The following ARNT2 variants were observed in gnomAD, a reference collection of about 807,000 sequenced individuals.
ARNT2 encodes the protein aryl hydrocarbon receptor nuclear translocator 2, also known as ARNT protein 2.
A neutral mutation model predicts 91.7 loss-of-function variants in ARNT2; 36 were observed. The observed-to-expected ratio is 0.39, with a 90% CI of 0.30 to 0.52. The LOEUF is 0.52. Among genes scored for constraint, ARNT2 ranks in the 20% least tolerant of loss-of-function variants. ARNT2 has a pLI of 0.72. For synonymous variants in ARNT2, 365 were observed against 347.1 expected (o/e 1.05, Z -0.57); for missense variants, 775 against 939.3 (o/e 0.83, Z 2.29).
chr15:80,488,760 A>G (rs1346645212), intron 5 of ARNT2: 1 of 152,208 alleles, frequency 6.6e-6, no homozygotes, highest in Admixed American at 6.5e-5. Context: ...TATCTAGGAG[A>G]TAAATTTCAG....
chr15:80,435,300 C>T (rs981866626), intron 1 of ARNT2, among the ~76,000 whole-genome samples: 1 of 152,104 alleles, frequency 6.6e-6, no homozygotes, highest in African/African-American at 2.4e-5. Flanking sequence ...TACAGAGTAC[C>T]CTTCCCTTTA....
At chr15:80,559,853 G>C (rs941408312) in intron 11 of ARNT2, among the ~76,000 whole-genome samples, 1 of 152,210 alleles carries the variant, frequency 6.6e-6, no homozygotes, top group East Asian at 1.9e-4. Flanking sequence ...GCTTGGCCTT[G>C]GCCATCTACC....
intron 1 of ARNT2, chr15:80,433,767 T>G (rs11637295): frequency 6.6e-6 from 1 of 152,142 alleles, no homozygotes. Context: ...AATGTGTACA[T>G]GAGAACCTTC....
chr15:80,593,942 C>T lies in ARNT2; in HGVS notation c.*244C>T. 1 of 513,900 alleles carries T rather than the reference C, an allele frequency of 1.9e-6. No homozygotes were observed. Among genetic ancestry groups the T allele is most frequent in the East Asian group, 3.3e-5 (1 of 30,678 alleles). 31.8% of individuals were successfully genotyped at this position (513,900 alleles called of 1,614,324 possible). ...ATCAGTTGTATTTATTGTATTTTAT[C>T]TGTGTGTGCTCAGGAGGTGAGCCTA... is the stretch of plus-strand genomic sequence containing the variant. On this transcript the variant is annotated 3_prime_UTR_variant, in exon 19 of 19. Transcript: ENST00000303329.
At chr15:80,533,797 G>A (rs1309096546) in intron 8 of ARNT2, among the ~76,000 whole-genome samples, 1 of 152,228 alleles carries the variant, frequency 6.6e-6, no homozygotes, top group African/African-American at 2.4e-5. Context: ...TAACTCAGAA[G>A]CACACAGTGG....
chr15:80,550,839 TAA>T (rs905256826), intron 8 of ARNT2, among the ~76,000 whole-genome samples: 2 of 152,242 alleles, frequency 1.3e-5, no homozygotes, highest in African/African-American at 2.4e-5. Flanking sequence ...TGTCAGCAGA[TAA>T]GAGAGATATT....
At chr15:80,494,242 G>T (rs976209715) in intron 5 of ARNT2, among the ~76,000 whole-genome samples, 22 of 151,976 alleles carry the variant, frequency 1.4e-4, no homozygotes, top group South Asian at 2.1e-4. Flanking sequence ...CTATTTTAAG[G>T]CCCCTTTTAC....
At chr15:80,550,426 T>C (rs186190449) in intron 8 of ARNT2, among the ~76,000 whole-genome samples, 5 of 152,196 alleles carry the variant, frequency 3.3e-5, no homozygotes, top group African/African-American at 9.7e-5. Context: ...TTAAGTGTCA[T>C]GCAGTGTAAA....
Position 80,597,489 on chromosome 15 carries a change from C to T in ARNT2, c.*3791C>T, listed in dbSNP as rs1893393148. 6.2e-6 allele frequency: 2 copies of T among 325,066 alleles called. No homozygotes were observed. Among genetic ancestry groups the T allele is most frequent in the Non-Finnish European group, 1.2e-5 (2 of 163,046 alleles). The allele number at this position is 325,066 out of a possible 1,614,324, so 20.1% of individuals were successfully genotyped here. The stretch of plus-strand genomic sequence containing the variant: ...CCTGGACATTCACCTTTTCTTTGAC[C>T]ATCTGGAGTCTGGGGCAACTTAAGG... On this transcript the variant is annotated 3_prime_UTR_variant, in exon 19 of 19. Coordinates refer to ENST00000303329, the MANE Select transcript of ARNT2 (RefSeq NM_014862.4).
chr15:80,515,323 G>A (rs911518669), intron 8 of ARNT2, among the ~76,000 whole-genome samples: 1 of 152,028 alleles, frequency 6.6e-6, no homozygotes, highest in Non-Finnish European at 1.5e-5. Context: ...CCAAAAAATG[G>A]AAACAACTCA....
intron 5 of ARNT2, among the ~76,000 whole-genome samples, chr15:80,483,527 G>C (rs952326163): frequency 6.6e-6 from 1 of 152,196 alleles, no homozygotes; most frequent in Non-Finnish European, 1.5e-5. Context: ...CTAGGCAGGG[G>C]AAATGTGTAT....
intron 15 of ARNT2, among the ~76,000 whole-genome samples, chr15:80,578,224 G>A (rs540042620): frequency 5.9e-5 from 9 of 152,240 alleles, no homozygotes; most frequent in African/African-American, 2.2e-4. Context: ...CAAAGGCAAG[G>A]GGACAGCCCA....
chr15:80,518,075 C>T (rs1897470436), intron 8 of ARNT2, among the ~76,000 whole-genome samples: 1 of 151,804 alleles, frequency 6.6e-6, no homozygotes, highest in Admixed American at 6.6e-5. Flanking sequence ...TGTTGAAATC[C>T]AGACATGTTG....
chr15:80,464,356 G>A (rs1348137786), intron 3 of ARNT2, among the ~76,000 whole-genome samples: 1 of 152,154 alleles, frequency 6.6e-6, no homozygotes, highest in Non-Finnish European at 1.5e-5. Flanking sequence ...TGCAGTCAGT[G>A]CTGAGAGAGT....
intron 13 of ARNT2, 78 bp from the exon 14 acceptor site, chr15:80,574,909 G>A: frequency 6.6e-7 from 1 of 1,518,528 alleles, no homozygotes; most frequent in Non-Finnish European, 9.0e-7. Context: ...TGATGAAGGA[G>A]AGCTGGTGGC....
chr15:80,536,364 C>T (rs539876336), intron 8 of ARNT2, among the ~76,000 whole-genome samples: 4 of 152,250 alleles, frequency 2.6e-5, no homozygotes, highest in East Asian at 1.9e-4. Context: ...GGAATCTGGC[C>T]ACCCCACCCT....
rs188728629 is a variant in ARNT2 at position 80,472,988 on chromosome 15, G to C, written c.409-2022G>C. 5.5e-4 allele frequency among the ~76,000 whole-genome samples: 83 copies of C among 152,248 alleles called. 1 individual carries two copies. In the East Asian group the frequency reaches 0.015, roughly 27 times the overall value. On this transcript the variant is annotated intron_variant, in intron 4 of 18. Coordinates refer to ENST00000303329, the MANE Select transcript of ARNT2 (RefSeq NM_014862.4). The stretch of plus-strand genomic sequence containing the variant: ...GAGAAGGCAGCTATGCAGGTCAGAT[G>C]AGCCCTACCTTTGTTCCTCTCTCAG...
At chr15:80,588,611 C>A (rs1354335165) in intron 17 of ARNT2, among the ~76,000 whole-genome samples, 2 of 152,190 alleles carry the variant, frequency 1.3e-5, no homozygotes, top group Non-Finnish European at 2.9e-5. Flanking sequence ...CCTCTTCCAT[C>A]CTGAGCCACC....
chr15:80,576,958 G>T lies in ARNT2; in HGVS notation c.1606G>T (p.Ala536Ser), dbSNP rs550003209. The change falls in exon 15 of 19, where the codon GCC (alanine) becomes TCC (serine). Residue 536 changes from alanine to serine, a missense_variant. By Grantham distance (99) the Ala-to-Ser change is moderately conservative (BLOSUM62 1). Around this residue, in one of 5 missense-constraint regions of ARNT2, gnomAD observed 325 missense variants for 359.9 expected, o/e 0.90. Transcript: ENST00000303329. Reference protein sequence around the residue: ...SPFPSGHSGKAFSSSVVHVPG... With the variant: ...SPFPSGHSGKSFSSSVVHVPG... ...ATTTCCCTCTGGACACTCCGGGAAGGCCTTCAGGTATGTGCCAGCGAGGGG... is the reference window on the plus strand; with the variant it reads ...ATTTCCCTCTGGACACTCCGGGAAGTCCTTCAGGTATGTGCCAGCGAGGGG... 10 of 1,614,030 alleles carry T rather than the reference G, an allele frequency of 6.2e-6. No homozygotes were observed. In the South Asian group the frequency reaches 1.1e-4, roughly 18 times the overall value.
Sources: allele counts gnomAD v4.1 joint callset (sites outside exome capture counted in the v4.1 genomes callset), GRCh38; gene constraint gnomAD v4.1.1; regional missense constraint gnomAD v4.1.1; transcripts MANE v1.5; gene names NCBI Gene and HGNC (gene_info 2026-07-23, HGNC 2026-07-21).